Variants in AUH observed in about 807,000 individuals in gnomAD.
The protein encoded by AUH is AU RNA binding methylglutaconyl-CoA hydratase, also known as methylglutaconyl-CoA hydratase, mitochondrial.
In AUH, 29 loss-of-function variants were observed where a neutral mutation model predicts 42.3. The ratio of observed to expected loss-of-function variants is 0.69; its 90% CI spans 0.51 to 0.93. The LOEUF (loss-of-function observed/expected upper bound fraction) is 0.93. Among genes scored for constraint, AUH ranks in the 40% least tolerant of loss-of-function variants. The probability of loss-of-function intolerance (pLI) is 0.00; values close to 1 mark genes in which losing one functional copy is unlikely to be tolerated. For missense variants in AUH, 452 were observed against 438.1 expected (o/e 1.03, Z -0.28); for synonymous variants, 174 against 166.4 (o/e 1.05, Z -0.35).
rs117922247 is a variant in AUH at position 91,347,404 on chromosome 9, T to C, written c.418+8479A>G. Among the ~76,000 whole-genome samples the C allele has an allele frequency of 7.9e-4, 121 of 152,250 alleles. 1 individual carries two copies. The East Asian group carries it at 0.019, about 24-fold the overall frequency. ...CTTTATGGAGGTTTCATTACCTCCA[T>C]AGGGAGACATGAATGACTAAATCAC... On this transcript the variant is annotated intron_variant, in intron 3 of 9. Transcript: ENST00000375731.
intron 6 of AUH, among the ~76,000 whole-genome samples, chr9:91,247,570 C>A (rs561280250): frequency 1.0e-3 from 156 of 152,308 alleles, no homozygotes; most frequent in African/African-American, 3.4e-3. Context: ...CCCATTGTGT[C>A]CTCCAGGGCC....
intron 4 of AUH, among the ~76,000 whole-genome samples, chr9:91,299,136 G>C (rs148322882): frequency 6.6e-6 from 1 of 152,074 alleles, no homozygotes; most frequent in Non-Finnish European, 1.5e-5. Context: ...GGAGAATCGC[G>C]TAAACCCAGG....
At chr9:91,271,775 G>C (rs1028529005) in intron 6 of AUH, among the ~76,000 whole-genome samples, 3 of 152,176 alleles carry the variant, frequency 2.0e-5, no homozygotes, top group Middle Eastern at 3.2e-3. Context: ...CCGCCTCCCA[G>C]GTTCAAGCGA....
chr9:91,239,178 C>G (rs1333096605), intron 6 of AUH, among the ~76,000 whole-genome samples: 1 of 149,936 alleles, frequency 6.7e-6, no homozygotes, highest in Non-Finnish European at 1.5e-5. Flanking sequence ...TATCCTTCAT[C>G]TTTTCCCTTC....
intron 5 of AUH, among the ~76,000 whole-genome samples, chr9:91,296,869 T>C (rs1275208523): frequency 6.6e-6 from 1 of 152,236 alleles, no homozygotes; most frequent in Non-Finnish European, 1.5e-5. Flanking sequence ...TAAAAAATCT[T>C]TTATAAAGAT....
At chr9:91,303,615 C>T (rs1237811957) in intron 4 of AUH, among the ~76,000 whole-genome samples, 1 of 152,228 alleles carries the variant, frequency 6.6e-6, no homozygotes. Flanking sequence ...GCGTAAGCCA[C>T]TGCGCCCAGC....
At chr9:91,240,925 C>T (rs1828478903) in intron 6 of AUH, among the ~76,000 whole-genome samples, 1 of 152,126 alleles carries the variant, frequency 6.6e-6, no homozygotes, top group Admixed American at 6.5e-5. Flanking sequence ...CTCTACAGTT[C>T]ATGGCCAGGG....
At chr9:91,245,879 T>A (rs746505981) in intron 6 of AUH, among the ~76,000 whole-genome samples, 39 of 152,066 alleles carry the variant, frequency 2.6e-4, no homozygotes, top group Non-Finnish European at 4.0e-4. Flanking sequence ...AAAACACTCA[T>A]GGACTGTGCC....
chr9:91,341,111 A>G (rs1427708520), intron 3 of AUH, among the ~76,000 whole-genome samples: 1 of 152,188 alleles, frequency 6.6e-6, no homozygotes, highest in Admixed American at 6.5e-5. Context: ...CCGGAGCTCT[A>G]CTCAAGCTGA....
intron 6 of AUH, among the ~76,000 whole-genome samples, chr9:91,258,806 T>A (rs753138966): frequency 6.6e-6 from 1 of 152,228 alleles, no homozygotes; most frequent in Non-Finnish European, 1.5e-5. Context: ...TCTGTGAACA[T>A]TGAGATGACC....
At chr9:91,246,753 T>C (rs148670844) in intron 6 of AUH, among the ~76,000 whole-genome samples, 11 of 152,330 alleles carry the variant, frequency 7.2e-5, no homozygotes, top group African/African-American at 2.4e-4. Context: ...GTTAAGAGAA[T>C]AGGCATAAAG....
chr9:91,252,446 T>C (rs1174145943), intron 6 of AUH, among the ~76,000 whole-genome samples: 2 of 152,192 alleles, frequency 1.3e-5, no homozygotes, highest in Non-Finnish European at 2.9e-5. Context: ...CAACTTTTAA[T>C]TTTCACATAA....
chr9:91,243,425 C>A (rs760597543), intron 6 of AUH, among the ~76,000 whole-genome samples: 1 of 152,242 alleles, frequency 6.6e-6, no homozygotes, highest in Non-Finnish European at 1.5e-5. Flanking sequence ...ACACAGCAGT[C>A]AGCTCCGGTT....
At chr9:91,342,596 A>G (rs1261588221) in intron 3 of AUH, 8 of 152,126 alleles carry the variant, frequency 5.3e-5, no homozygotes, top group Non-Finnish European at 1.2e-4. Context: ...GGTTATTACT[A>G]ATATATATTT....
At chr9:91,351,367 C>T (rs1179249034) in intron 3 of AUH, among the ~76,000 whole-genome samples, 1 of 152,204 alleles carries the variant, frequency 6.6e-6, no homozygotes, top group Non-Finnish European at 1.5e-5. Context: ...TTATTTTCCA[C>T]ACTCCATGTA....
rs1332002437 is a variant in AUH, at chr9:91,313,584, A to G, written c.505+11734T>C. Among the ~76,000 whole-genome samples the G allele has an allele frequency of 2.3e-4, 35 of 151,824 alleles. 1 individual carries two copies. Among genetic ancestry groups the G allele is most frequent in the African/African-American group, 5.8e-4 (24 of 41,482 alleles). On this transcript the variant is annotated intron_variant, in intron 4 of 9. Transcript: ENST00000375731. ...GCCGGGCGCGGTGGCGGGCGCCTGT[A>G]GTCCCAGCTACTTGGGAGGCTGAGG... is the stretch of plus-strand genomic sequence containing the variant.
intron 4 of AUH, among the ~76,000 whole-genome samples, chr9:91,314,381 G>A (rs1341247539): frequency 1.3e-5 from 2 of 151,428 alleles, no homozygotes; most frequent in Non-Finnish European, 1.5e-5. Flanking sequence ...TACTCGGGAG[G>A]CTGAGGTGGG....
intron 4 of AUH, among the ~76,000 whole-genome samples, chr9:91,318,031 C>T (rs993649639): frequency 3.3e-5 from 5 of 152,180 alleles, no homozygotes; most frequent in Non-Finnish European, 5.9e-5. Context: ...GCTGTCTCCT[C>T]CTATTCCTTT....
At chr9:91,306,156 C>T (rs964742971) in intron 4 of AUH, among the ~76,000 whole-genome samples, 2 of 152,102 alleles carry the variant, frequency 1.3e-5, no homozygotes, top group South Asian at 2.1e-4. Context: ...TGTGGCAGTG[C>T]CCCCCAGTAC....
Sources: gnomAD v4.1 joint callset for allele counts (sites outside exome capture counted in the v4.1 genomes callset) on GRCh38, gnomAD v4.1.1 for gene constraint, MANE v1.5 for transcripts, NCBI Gene and HGNC (gene_info 2026-07-23, HGNC 2026-07-21) for gene names.